The following SHTN1 variants were observed in gnomAD, a reference collection of about 807,000 sequenced individuals.
SHTN1 encodes shootin-1.
A neutral mutation model predicts 83.1 loss-of-function variants in SHTN1; 42 were observed. The ratio of observed to expected loss-of-function variants is 0.51; its 90% CI spans 0.39 to 0.65. SHTN1 has a LOEUF of 0.65. Ranked by LOEUF, SHTN1 falls within the 30% of genes least tolerant of loss-of-function variation. The pLI, the probability that SHTN1 is intolerant of heterozygous loss-of-function variation, is 0.00. For synonymous variants in SHTN1, 224 were observed against 247.7 expected (o/e 0.90, Z 0.90); for missense variants, 622 against 737.8 (o/e 0.84, Z 1.82).
chr10:116,936,277 A>C (rs1023287657), intron 9 of SHTN1, among the ~76,000 whole-genome samples: 1 of 151,966 alleles, frequency 6.6e-6, no homozygotes, highest in African/African-American at 2.4e-5. Context: ...TCGATTTTAG[A>C]TCTTTCCTGC....
chr10:117,113,425 A>G (rs1408995533), intron 1 of SHTN1, among the ~76,000 whole-genome samples: 1 of 152,220 alleles, frequency 6.6e-6, no homozygotes, highest in Non-Finnish European at 1.5e-5. Context: ...TCTCAAGGAC[A>G]TGACCAACTG....
At chr10:116,948,258 A>G (rs1429308589) in intron 7 of SHTN1, among the ~76,000 whole-genome samples, 1 of 152,178 alleles carries the variant, frequency 6.6e-6, no homozygotes, top group African/African-American at 2.4e-5. Flanking sequence ...CAAAGTACAC[A>G]AAGTTTTCTC....
At chr10:117,054,597 C>T (rs973053632) in intron 1 of SHTN1, among the ~76,000 whole-genome samples, 1 of 151,696 alleles carries the variant, frequency 6.6e-6, no homozygotes, top group African/African-American at 2.4e-5. Context: ...TTAGTAGAGA[C>T]GAGGTTTCAC....
Position 116,917,126 on chromosome 10 carries a change from T to G in SHTN1, c.1196-1642A>C, listed in dbSNP as rs1004097416. On this transcript the variant is annotated intron_variant, in intron 12 of 16. Transcript: ENST00000355371. The stretch of plus-strand genomic sequence containing the variant: ...GGACAGATAAGTAAATTATGATGGG[T>G]AGAAATTCATTCATTCATTCAATCA... Among the ~76,000 whole-genome samples the G allele has an allele frequency of 5.9e-5, 9 of 152,282 alleles. No individual in the cohort carries two copies. The East Asian group carries it at 1.7e-3, about 29-fold the overall frequency.
chr10:116,896,745 C>A (rs951636972), intron 16 of SHTN1, among the ~76,000 whole-genome samples: 22 of 152,022 alleles, frequency 1.4e-4, no homozygotes, highest in African/African-American at 4.8e-4. Flanking sequence ...ATTTTCTCCA[C>A]CCCGAAATAA....
At chr10:117,105,940 A>C (rs1329124350) in intron 1 of SHTN1, among the ~76,000 whole-genome samples, 1 of 151,962 alleles carries the variant, frequency 6.6e-6, no homozygotes, top group Non-Finnish European at 1.5e-5. Context: ...CTTGAGCCTG[A>C]CAGGTCGAGG....
chr10:116,945,861 T>C (rs767222996), intron 7 of SHTN1, among the ~76,000 whole-genome samples: 12 of 152,144 alleles, frequency 7.9e-5, no homozygotes, highest in Non-Finnish European at 1.5e-4. Context: ...TAAAATAATT[T>C]TAGTGTAGTC....
intron 2 of SHTN1, among the ~76,000 whole-genome samples, chr10:117,043,550 A>G (rs1185054927): frequency 6.6e-6 from 1 of 152,210 alleles, no homozygotes; most frequent in Non-Finnish European, 1.5e-5. Flanking sequence ...TCAATAAAGA[A>G]GAGAGGGAGG....
At chr10:116,943,262 C>A (rs1849452574) in intron 8 of SHTN1, among the ~76,000 whole-genome samples, 1 of 152,182 alleles carries the variant, frequency 6.6e-6, no homozygotes, top group South Asian at 2.1e-4. Flanking sequence ...CTTCTTACTG[C>A]AACCTTGCTT....
At chr10:117,113,429 C>A (rs1425340639) in intron 1 of SHTN1, among the ~76,000 whole-genome samples, 1 of 152,172 alleles carries the variant, frequency 6.6e-6, no homozygotes, top group Non-Finnish European at 1.5e-5. Context: ...AAGGACATGA[C>A]CAACTGCTGA....
intron 6 of SHTN1, among the ~76,000 whole-genome samples, chr10:116,950,834 T>C (rs1219337602): frequency 1.3e-5 from 2 of 152,288 alleles, no homozygotes; most frequent in Non-Finnish European, 1.5e-5. Context: ...GGCTGGGAAG[T>C]TGGCAGACAC....
At chr10:116,965,158 TGCTAA>T (rs1850343303) in intron 3 of SHTN1, among the ~76,000 whole-genome samples, 1 of 152,178 alleles carries the variant, frequency 6.6e-6, no homozygotes, top group Admixed American at 6.6e-5. Context: ...GGGAAAAGTA[TGCTAA>T]GCTAGGGAGA....
intron 2 of SHTN1, among the ~76,000 whole-genome samples, chr10:117,012,881 C>A (rs1852130844): frequency 6.6e-6 from 1 of 152,086 alleles, no homozygotes; most frequent in Non-Finnish European, 1.5e-5. Context: ...AAATAAATCA[C>A]ATATTAATAT....
chr10:116,921,431 T>C lies in SHTN1; in HGVS notation c.1195+3A>G. ...CACTTACACCAATAGAAGTGATGCT[T>C]ACTTGTTTCTGGTTGAGTTGCCTTT... On this transcript the variant is annotated splice_donor_region_variant and intron_variant, in intron 12 of 16. Coordinates refer to ENST00000355371, the MANE Select transcript of SHTN1 (RefSeq NM_001127211.3). 2 of 1,610,432 alleles carry C rather than the reference T, an allele frequency of 1.2e-6. No homozygotes were observed. The highest frequency in any genetic ancestry group is 1.7e-6 in the Non-Finnish European group (2 of 1,177,020).
rs751652039 is a variant in SHTN1 at position 116,901,906 on chromosome 10, C to T, written c.1532G>A (p.Gly511Asp). 1 of 1,606,914 alleles carries T rather than the reference C, an allele frequency of 6.2e-7. No individual in the cohort carries two copies. Among genetic ancestry groups the T allele is most frequent in the Non-Finnish European group, 8.5e-7 (1 of 1,177,596 alleles). Residue 511 changes from glycine (G) to aspartate (D), a missense_variant, in exon 16 of 17, where the codon GGT becomes GAT. By Grantham distance (94) the Gly-to-Asp change is moderately conservative. Transcript: ENST00000355371. ...TGTTTTTGTTACACTGGATACAGAA[C>T]CCAACACTGGCATGGATTTGGACTC... ...TSESKSMPVL[G>D]SVSSVTKTAL...
chr10:116,994,430 T>G (rs541579159), intron 1 of SHTN1, among the ~76,000 whole-genome samples: 86 of 152,224 alleles, frequency 5.6e-4, no homozygotes, highest in Non-Finnish European at 9.0e-4. Context: ...AATTTGGTCT[T>G]TTTTAAAAGA....
chr10:117,053,847 A>G (rs904872134), intron 1 of SHTN1, among the ~76,000 whole-genome samples: 2 of 152,242 alleles, frequency 1.3e-5, no homozygotes, highest in African/African-American at 4.8e-5. Flanking sequence ...GGTAGAAACA[A>G]ACCAAATGTC....
At chr10:116,994,589 T>C (rs1417088532) in intron 1 of SHTN1, among the ~76,000 whole-genome samples, 1 of 152,120 alleles carries the variant, frequency 6.6e-6, no homozygotes, top group Non-Finnish European at 1.5e-5. Context: ...ACATTGTCTT[T>C]ATTGGGTCTT....
intron 7 of SHTN1, 121 bp downstream of exon 7, chr10:116,948,795 A>G: frequency 2.1e-6 from 1 of 483,602 alleles, no homozygotes; most frequent in Non-Finnish European, 3.0e-6. Flanking sequence ...CTAGAAAATC[A>G]CAATATAGGA....
Sources: allele counts gnomAD v4.1 joint callset (sites outside exome capture counted in the v4.1 genomes callset), GRCh38; gene constraint gnomAD v4.1.1; transcripts MANE v1.5; gene names NCBI Gene and HGNC (gene_info 2026-07-23, HGNC 2026-07-21).